LYRM4: variants seen among roughly 807,000 people sequenced by gnomAD.
LYRM4 encodes the protein LYR motif containing 4.
Under a neutral mutation model 11.7 loss-of-function variants are expected in LYRM4, and 9 were observed. That is an observed-to-expected ratio of 0.77 (90% confidence interval 0.46 to 1.34). The LOEUF is 1.34. Ranked by LOEUF, LYRM4 falls within the 40% of genes most tolerant of loss-of-function variation. LYRM4 has a pLI of 0.00. For synonymous variants in LYRM4, 42 were observed against 40.4 expected (o/e 1.04, Z -0.15); for missense variants, 133 against 112.5 (o/e 1.18, Z -0.82).
the LYRM4 span, chr6:5,084,764 G>A: frequency 6.6e-6 from 1 of 152,208 alleles, no homozygotes. Context: ...GCTTCCGAGT[G>A]GGATTGGAAC....
chr6:5,073,569 T>C, the LYRM4 span, among the ~76,000 whole-genome samples: 13 of 148,122 alleles, frequency 8.8e-5, no homozygotes, highest in Non-Finnish European at 1.6e-4. Flanking sequence ...ATATTATATA[T>C]AGTACATAGT....
the LYRM4 span, among the ~76,000 whole-genome samples, chr6:5,037,818 AC>A: frequency 7.9e-5 from 4 of 50,390 alleles, no homozygotes; most frequent in African/African-American, 1.1e-4. Flanking sequence ...CAGGGGGCTG[AC>A]CCCCCCTCCC....
intron 2 of LYRM4, among the ~76,000 whole-genome samples, chr6:5,214,690 A>G (rs1016024553): frequency 1.3e-5 from 2 of 152,216 alleles, no homozygotes; most frequent in African/African-American, 4.8e-5. Context: ...TCCAAAGGCA[A>G]CTTACGCCAG....
chr6:5,164,025 G>A (rs537926090), intron 2 of LYRM4, among the ~76,000 whole-genome samples: 6 of 152,184 alleles, frequency 3.9e-5, no homozygotes, highest in East Asian at 1.9e-4. Flanking sequence ...CAATCATCTC[G>A]TTAGAGAAAT....
At chr6:5,174,092 C>A (rs150536210) in intron 2 of LYRM4, among the ~76,000 whole-genome samples, 2 of 152,178 alleles carry the variant, frequency 1.3e-5, no homozygotes, top group African/African-American at 2.4e-5. Context: ...GCCTCCTCTT[C>A]GCTCTCTCAG....
chr6:5,040,843 C>A, the LYRM4 span, among the ~76,000 whole-genome samples: 3 of 150,120 alleles, frequency 2.0e-5, no homozygotes, highest in African/African-American at 4.9e-5. Flanking sequence ...TACTGCTTCT[C>A]CATTTGACAA....
intron 2 of LYRM4, among the ~76,000 whole-genome samples, chr6:5,198,495 G>C (rs931869739): frequency 6.6e-6 from 1 of 152,152 alleles, no homozygotes; most frequent in Non-Finnish European, 1.5e-5. Flanking sequence ...TACCACAAAA[G>C]GCAAGGCACA....
chr6:5,086,171 C>G, the LYRM4 span: 12 of 1,530,288 alleles, frequency 7.8e-6, no homozygotes, highest in Admixed American at 7.9e-5. Context: ...TCGACGGCCT[C>G]GGGCGCTGAG....
intron 2 of LYRM4, among the ~76,000 whole-genome samples, chr6:5,207,762 G>C (rs1330485572): frequency 2.6e-5 from 4 of 152,176 alleles, no homozygotes; most frequent in Non-Finnish European, 5.9e-5. Flanking sequence ...TGACGGCAGA[G>C]AGAGAGAGAG....
intron 2 of LYRM4, among the ~76,000 whole-genome samples, chr6:5,204,487 C>T (rs1310372346): frequency 6.6e-6 from 1 of 152,128 alleles, no homozygotes. Flanking sequence ...GGAAGTGAGT[C>T]ACACAAAAAC....
chr6:5,039,431 C>A, the LYRM4 span, among the ~76,000 whole-genome samples: 4 of 152,082 alleles, frequency 2.6e-5, no homozygotes, highest in African/African-American at 9.7e-5. Context: ...TTTTTTAGAA[C>A]AATGAAGAGC....
intron 2 of LYRM4, among the ~76,000 whole-genome samples, chr6:5,179,065 C>CA (rs58749743): frequency 1.1e-3 from 115 of 103,862 alleles, no homozygotes; most frequent in South Asian, 1.7e-3. Context: ...ACCAAAAAAA[C>CA]AAAAAAAAAA....
intron 1 of LYRM4, among the ~76,000 whole-genome samples, chr6:5,238,585 G>A (rs927239937): frequency 2.6e-4 from 40 of 152,194 alleles, no homozygotes; most frequent in African/African-American, 9.4e-4. Flanking sequence ...CAGTTGACTT[G>A]TTCTTTTTTC....
the LYRM4 span, chr6:5,066,825 G>A: frequency 2.6e-6 from 2 of 778,236 alleles, no homozygotes; most frequent in Middle Eastern, 4.7e-4. Context: ...ATCCGGATCC[G>A]GCCACAGCTG....
At chr6:5,058,013 A>G in the LYRM4 span, among the ~76,000 whole-genome samples, 2 of 152,024 alleles carry the variant, frequency 1.3e-5, no homozygotes, top group African/African-American at 4.8e-5. Flanking sequence ...CGGCCTCCCA[A>G]AGTGCTGGAA....
chr6:5,102,053 A>G (rs115772929), downstream of LYRM4, among the ~76,000 whole-genome samples: 571 of 140,722 alleles, frequency 4.1e-3, 2 homozygotes, highest in African/African-American at 0.014. Context: ...TCGTCCTTCC[A>G]AAGTGTTGGG....
At chr6:5,250,772 T>A (rs1169906412) in intron 1 of LYRM4, among the ~76,000 whole-genome samples, 1 of 152,224 alleles carries the variant, frequency 6.6e-6, no homozygotes, top group Admixed American at 6.5e-5. Context: ...AAAGCAGTCT[T>A]TTTCTCTTTT....
At chr6:5,117,163 C>T (rs1489220336) in intron 2 of LYRM4, among the ~76,000 whole-genome samples, 1 of 152,210 alleles carries the variant, frequency 6.6e-6, no homozygotes, top group Non-Finnish European at 1.5e-5. Context: ...TGTCCTAACG[C>T]TACTGGGAGG....
intron 1 of LYRM4, among the ~76,000 whole-genome samples, chr6:5,255,714 G>A (rs1055488079): frequency 6.6e-6 from 1 of 152,044 alleles, no homozygotes; most frequent in African/African-American, 2.4e-5. Flanking sequence ...CTTAAACTAG[G>A]ATTTCTCAAT....
Sources: allele counts gnomAD v4.1 joint callset (sites outside exome capture counted in the v4.1 genomes callset), GRCh38; gene constraint gnomAD v4.1.1; transcripts MANE v1.5; gene names NCBI Gene and HGNC (gene_info 2026-07-23, HGNC 2026-07-21).